TRERF1: variants seen among roughly 807,000 people sequenced by gnomAD.
TRERF1 encodes transcriptional-regulating factor 1.
In TRERF1, 27 loss-of-function variants were observed where a neutral mutation model predicts 122.9. The ratio of observed to expected loss-of-function variants is 0.22; its 90% CI spans 0.16 to 0.30. The LOEUF (loss-of-function observed/expected upper bound fraction) is 0.30, where lower values mean the gene tolerates loss of function less well. TRERF1 is among the 10% of genes least tolerant of loss of function. TRERF1 has a pLI of 1.00. For missense variants in TRERF1, 1,248 were observed against 1,560.3 expected (o/e 0.80, Z 3.37); for synonymous variants, 636 against 641.7 (o/e 0.99, Z 0.13).
At chr6:42,413,261 C>T (rs1027635708) in intron 2 of TRERF1, among the ~76,000 whole-genome samples, 2 of 152,124 alleles carry the variant, frequency 1.3e-5, no homozygotes, top group Non-Finnish European at 2.9e-5. Context: ...ATACTGGATA[C>T]TTGGGTACTT....
Position 42,268,293 on chromosome 6 carries a change from A to G in TRERF1, c.1298T>C (p.Met433Thr). The G allele has an allele frequency of 3.3e-6, 5 of 1,513,840 alleles. No individual in the cohort carries two copies. In the South Asian group the frequency reaches 5.4e-5, roughly 16 times the overall value. The allele number at this position is 1,513,840 out of a possible 1,614,324, so 93.8% of individuals were successfully genotyped here. A position where few individuals can be genotyped will look rare whatever the true frequency, so the allele number is the denominator to read the frequency against. ...CAGATCTGAGCTCGCTGGGTCTCCCATTCCTGTGTCAGGAGGCCCCAGGTC... is the reference window on the plus strand; with the variant it reads ...CAGATCTGAGCTCGCTGGGTCTCCCGTTCCTGTGTCAGGAGGCCCCAGGTC... Residue 433 changes from methionine to threonine, a missense_variant, in exon 5 of 18, where the codon ATG (methionine) becomes ACG (threonine). By Grantham distance (81) the Met-to-Thr change is moderately conservative. This residue lies in a region of TRERF1 where 946 missense variants were observed against 1,073.0 expected (regional missense o/e 0.88). Transcript: ENST00000372922. This position sits in a 1 kb window ranked among gnomAD's most constrained non-coding sequence, Gnocchi z 4.4.
chr6:42,257,051 A>G lies in TRERF1; in HGVS notation c.2388T>C (p.Asp796=), dbSNP rs1294372358. The G allele has an allele frequency of 4.3e-6, 7 of 1,614,224 alleles. No homozygotes were observed. In the South Asian group the frequency reaches 4.4e-5, roughly 10 times the overall value. The change falls in exon 11 of 18, where the codon GAT becomes GAC. Residue 796 remains aspartate (D), a synonymous_variant. Coordinates refer to ENST00000372922, the Ensembl canonical transcript of TRERF1. ...GTGTGTCCTGGGCCAGGGCAGAGATATCTTGGAGTTCAGGGATTTCTGCTT... is the reference window on the plus strand; with the variant it reads ...GTGTGTCCTGGGCCAGGGCAGAGATGTCTTGGAGTTCAGGGATTTCTGCTT...
chr6:42,306,306 T>TC (rs1417135871), intron 3 of TRERF1, among the ~76,000 whole-genome samples: 1 of 152,000 alleles, frequency 6.6e-6, no homozygotes, highest in Non-Finnish European at 1.5e-5. Flanking sequence ...CCGGCCAATC[T>TC]CCCCCTTCTT....
chr6:42,268,921 C>T lies in TRERF1; in HGVS notation c.670G>A (p.Gly224Arg), dbSNP rs749437632. 29 of 1,612,498 alleles carry T rather than the reference C, an allele frequency of 1.8e-5. No individual in the cohort carries two copies. The highest frequency in any genetic ancestry group is 3.3e-5 in the South Asian group (3 of 91,038). ...AGGTGCCCTTGGGTAGGGTGCTGCC[C>T]GACCTGAAGAGCTGGTTTGGACAGC... The change falls in exon 5 of 18, where the codon GGG (glycine) becomes AGG (arginine). Residue 224 changes from glycine to arginine, a missense_variant. Coordinates refer to ENST00000372922, the Ensembl canonical transcript of TRERF1. The surrounding 1 kb of genome is among the most constrained non-coding windows in gnomAD (Gnocchi z 4.4).
chr6:42,369,558 C>T (rs935367011), intron 2 of TRERF1, among the ~76,000 whole-genome samples: 3 of 152,204 alleles, frequency 2.0e-5, no homozygotes, highest in African/African-American at 7.2e-5. Flanking sequence ...CGGTTCTACA[C>T]GTTTGCTCAG....
At chr6:42,254,906 T>C (rs1400400485) in exon 13 of TRERF1, 1 of 1,614,180 alleles carries the variant, frequency 6.2e-7, no homozygotes. Flanking sequence ...GCTTCCGCAG[T>C]AGCAGCATTT....
At chr6:42,363,354 C>T (rs900016320) in intron 2 of TRERF1, among the ~76,000 whole-genome samples, 13 of 152,218 alleles carry the variant, frequency 8.5e-5, no homozygotes, top group African/African-American at 3.1e-4. Flanking sequence ...TCACACCCCA[C>T]GTCTAATCCA....
intron 2 of TRERF1, among the ~76,000 whole-genome samples, chr6:42,413,205 C>T (rs1021571081): frequency 6.6e-6 from 1 of 152,162 alleles, no homozygotes; most frequent in Non-Finnish European, 1.5e-5. Context: ...AATTTCATTG[C>T]AATAGTTAGA....
At chr6:42,433,865 A>AG (rs1362060013) in intron 2 of TRERF1, among the ~76,000 whole-genome samples, 2 of 151,882 alleles carry the variant, frequency 1.3e-5, no homozygotes, top group Admixed American at 1.3e-4. Flanking sequence ...CAAAAAAAAA[A>AG]TTTTTTTTAA....
intron 2 of TRERF1, among the ~76,000 whole-genome samples, chr6:42,447,008 G>C (rs1562229160): frequency 1.3e-5 from 2 of 152,056 alleles, no homozygotes; most frequent in South Asian, 2.1e-4. Flanking sequence ...CTGTCTCAAA[G>C]AAACAAACAA....
chr6:42,373,972 A>C (rs1162604369), intron 2 of TRERF1, among the ~76,000 whole-genome samples: 2 of 150,830 alleles, frequency 1.3e-5, no homozygotes, highest in Non-Finnish European at 3.0e-5. Context: ...GTCTCTACTA[A>C]AAATACAAAA....
intron 3 of TRERF1, among the ~76,000 whole-genome samples, chr6:42,304,171 G>A (rs1786734416): frequency 6.6e-6 from 1 of 152,200 alleles, no homozygotes; most frequent in South Asian, 2.1e-4. Context: ...GCTGACACAG[G>A]GATGTGGATA....
rs191066155 is a variant in TRERF1 at position 42,448,114 on chromosome 6, A to G, written c.-454+3063T>C. Among the ~76,000 whole-genome samples the G allele has an allele frequency of 7.2e-5, 11 of 152,342 alleles. No individual in the cohort carries two copies. In the East Asian group the frequency reaches 2.1e-3, roughly 29 times the overall value. ...GAATCCTGGTGATAAAAATGATACT[A>G]TATCATTATTATGAACCTTATCACA... On this transcript the variant is annotated intron_variant, in intron 2 of 17. Coordinates refer to ENST00000372922, the Ensembl canonical transcript of TRERF1.
intron 15 of TRERF1, 24 bp from the exon 16 acceptor site, chr6:42,236,435 A>C (rs764564021): frequency 6.5e-7 from 1 of 1,547,708 alleles, no homozygotes; most frequent in Non-Finnish European, 8.7e-7. Context: ...AATAAAAGCA[A>C]GAGGGGAAAA....
At chr6:42,422,686 CT>C (rs1370321637) in intron 2 of TRERF1, among the ~76,000 whole-genome samples, 1 of 152,048 alleles carries the variant, frequency 6.6e-6, no homozygotes, top group Non-Finnish European at 1.5e-5. Context: ...CCCAATCCCC[CT>C]TCGCTCCACC....
chr6:42,385,231 C>T (rs535304624), intron 2 of TRERF1, among the ~76,000 whole-genome samples: 85 of 152,246 alleles, frequency 5.6e-4, no homozygotes, highest in Admixed American at 7.2e-4. Flanking sequence ...CCTGCCTTGG[C>T]CTCCCAAAGT....
At chr6:42,383,536 A>C (rs1441141458) in intron 2 of TRERF1, among the ~76,000 whole-genome samples, 2 of 152,134 alleles carry the variant, frequency 1.3e-5, no homozygotes, top group African/African-American at 4.8e-5. Flanking sequence ...CATATGAGTC[A>C]GACTGTTCCC....
chr6:42,400,245 A>G (rs1779193765), intron 2 of TRERF1, among the ~76,000 whole-genome samples: 1 of 152,316 alleles, frequency 6.6e-6, no homozygotes, highest in South Asian at 2.1e-4. Flanking sequence ...CCACTATTAC[A>G]CAATGGAGAA....
intron 2 of TRERF1, among the ~76,000 whole-genome samples, chr6:42,389,994 G>C (rs1212001690): frequency 6.6e-6 from 1 of 152,170 alleles, no homozygotes; most frequent in African/African-American, 2.4e-5. Flanking sequence ...TAAGCTTGAC[G>C]GGGTTTTGTT....
Sources: gnomAD v4.1 joint callset for allele counts (sites outside exome capture counted in the v4.1 genomes callset) on GRCh38, gnomAD v4.1.1 for gene constraint, gnomAD v4.1.1 regional missense constraint, Gnocchi (gnomAD v3.1) non-coding constraint, MANE v1.5 for transcripts, NCBI Gene and HGNC (gene_info 2026-07-23, HGNC 2026-07-21) for gene names.